Variants in HTR4 observed in about 807,000 individuals in gnomAD.
The protein encoded by HTR4 is 5-hydroxytryptamine (serotonin) receptor 4, G protein-coupled.
HTR4 carries 16 observed loss-of-function variants against 36.8 expected under a neutral mutation model. The observed-to-expected ratio is 0.43, with a 90% CI of 0.29 to 0.66. The LOEUF (loss-of-function observed/expected upper bound fraction) is 0.66. Ranked by LOEUF, HTR4 falls within the 30% of genes least tolerant of loss-of-function variation. HTR4 has a pLI of 0.13. For missense variants in HTR4, 438 were observed against 490.9 expected (o/e 0.89, Z 1.02); for synonymous variants, 189 against 185.1 (o/e 1.02, Z -0.17).
intron 6 of HTR4, among the ~76,000 whole-genome samples, chr5:148,503,086 G>A (rs1462082800): frequency 6.6e-6 from 1 of 152,166 alleles, no homozygotes; most frequent in African/African-American, 2.4e-5. Context: ...TTATCCAGGA[G>A]AACTTCCCCA....
chr5:148,538,212 T>C (rs1758926579), intron 4 of HTR4, among the ~76,000 whole-genome samples: 1 of 152,004 alleles, frequency 6.6e-6, no homozygotes, highest in South Asian at 2.1e-4. Flanking sequence ...CAAAAAAAAC[T>C]AGGTATTGAG....
Position 148,537,896 on chromosome 5 carries a change from C to T in HTR4, c.353+10772G>A, listed in dbSNP as rs375526754. Among the ~76,000 whole-genome samples, 18 of 152,080 alleles carry T rather than the reference C, an allele frequency of 1.2e-4. 1 individual carries two copies. Among genetic ancestry groups the T allele is most frequent in the Admixed American group, 5.9e-4 (9 of 15,264 alleles). On this transcript the variant is annotated intron_variant, in intron 4 of 6. Coordinates refer to ENST00000377888, the MANE Select transcript of HTR4 (RefSeq NM_000870.7). ...CCAACCCATCGTATGAGACCAGCAT[C>T]GTCTTGATACCAACACCTGGCAGAG... is the stretch of plus-strand genomic sequence containing the variant.
rs544066802 is a variant in HTR4 at position 148,532,822 on chromosome 5, C to T, written c.354-9476G>A. On this transcript the variant is annotated intron_variant, in intron 4 of 6. Coordinates refer to ENST00000377888, the MANE Select transcript of HTR4 (RefSeq NM_000870.7). ...AGCAGTGGTTCTCAAATTGTATCAT[C>T]TGTCAGAATCACTTAAAGGATTTGT... Among the ~76,000 whole-genome samples the T allele has an allele frequency of 9.9e-4, 151 of 152,328 alleles. 1 individual carries two copies. Among genetic ancestry groups the T allele is most frequent in the African/African-American group, 3.5e-3 (147 of 41,584 alleles).
intron 5 of HTR4, among the ~76,000 whole-genome samples, chr5:148,515,995 T>A (rs1435723705): frequency 6.7e-6 from 1 of 150,246 alleles, no homozygotes; most frequent in Non-Finnish European, 1.5e-5. Flanking sequence ...CATATATATA[T>A]ATACACATAT....
chr5:148,583,645 CATCATT>C (rs1284832560), intron 2 of HTR4, among the ~76,000 whole-genome samples: 11 of 141,258 alleles, frequency 7.8e-5, no homozygotes, highest in Non-Finnish European at 1.4e-4. Flanking sequence ...TCATCATCAT[CATCATT>C]ATTATCATCA....
chr5:148,635,882 G>A (rs536604402), intron 2 of HTR4, among the ~76,000 whole-genome samples: 2 of 152,108 alleles, frequency 1.3e-5, no homozygotes, highest in South Asian at 2.1e-4. Context: ...AGTACATCTG[G>A]GAAATAACAA....
chr5:148,457,091 G>T (rs1402316599), intron 5 of HTR4, among the ~76,000 whole-genome samples: 2 of 152,094 alleles, frequency 1.3e-5, no homozygotes, highest in Non-Finnish European at 2.9e-5. Context: ...CCCTCTGCCT[G>T]CCTAGCCTGG....
At chr5:148,561,383 C>T (rs1760199406) in intron 2 of HTR4, among the ~76,000 whole-genome samples, 1 of 152,162 alleles carries the variant, frequency 6.6e-6, no homozygotes, top group Non-Finnish European at 1.5e-5. Context: ...GTGAGATCTA[C>T]ATCTGGAGAG....
At chr5:148,631,027 G>A (rs1190537236) in intron 2 of HTR4, among the ~76,000 whole-genome samples, 1 of 152,100 alleles carries the variant, frequency 6.6e-6, no homozygotes, top group Non-Finnish European at 1.5e-5. Flanking sequence ...AAGATTACTA[G>A]CTTAATTCCA....
intron 5 of HTR4, among the ~76,000 whole-genome samples, chr5:148,459,849 T>C (rs971183898): frequency 1.3e-5 from 2 of 152,118 alleles, no homozygotes; most frequent in Non-Finnish European, 2.9e-5. Flanking sequence ...ATTATCAGAC[T>C]GGGAACTTAA....
intron 2 of HTR4, among the ~76,000 whole-genome samples, chr5:148,597,620 C>T (rs969460695): frequency 1.3e-5 from 2 of 152,190 alleles, no homozygotes; most frequent in Non-Finnish European, 2.9e-5. Context: ...CTTTGCACTG[C>T]TCTTTTCACT....
At position 148,592,604 on chromosome 5, in the gene HTR4, T is replaced by C. The variant is rs112379958; in HGVS notation, c.27-42342A>G. 5.2e-3 allele frequency among the ~76,000 whole-genome samples: 790 copies of C among 152,238 alleles called. 7 individuals are homozygous for C. The highest frequency in any genetic ancestry group is 0.017 in the African/African-American group (723 of 41,560). ...GCAGCTTCACCAATATTTTTATATA[T>C]GAATTTACTTTCATTTTTTCTACTT... On this transcript the variant is annotated intron_variant, in intron 2 of 6. Transcript: ENST00000377888.
intron 5 of HTR4, chr5:148,466,074 G>A (rs139827785): frequency 9.1e-6 from 13 of 1,423,576 alleles, no homozygotes; most frequent in Non-Finnish European, 1.2e-5. Context: ...TTTTAGAGGA[G>A]GATAAGGAGG....
chr5:148,555,946 TCACACACA>T (rs60289333), intron 2 of HTR4, among the ~76,000 whole-genome samples: 1 of 149,736 alleles, frequency 6.7e-6, no homozygotes, highest in Non-Finnish European at 1.5e-5. Flanking sequence ...TTATACTTTG[TCACACACA>T]CACACACACA....
chr5:148,553,884 C>A (rs1243188035), intron 2 of HTR4, among the ~76,000 whole-genome samples: 1 of 151,984 alleles, frequency 6.6e-6, no homozygotes, highest in African/African-American at 2.4e-5. Context: ...AGGGGTACAC[C>A]CGAAAGAATT....
At chr5:148,480,282 A>G (rs1755835749), downstream of HTR4, among the ~76,000 whole-genome samples, 1 of 152,186 alleles carries the variant, frequency 6.6e-6, no homozygotes, top group Non-Finnish European at 1.5e-5. Flanking sequence ...GTGATTCATA[A>G]ATTCGTGTGT....
chr5:148,546,270 C>G (rs1354218776), intron 4 of HTR4, among the ~76,000 whole-genome samples: 1 of 152,086 alleles, frequency 6.6e-6, no homozygotes, highest in Non-Finnish European at 1.5e-5. Context: ...CAAAGTGATG[C>G]CTTAAATGGA....
In HTR4 at chr5:148,482,328, C is replaced by T; in HGVS notation, c.*875G>A. 1 of 985,476 alleles carries T rather than the reference C, an allele frequency of 1.0e-6. No individual in the cohort carries two copies. Among genetic ancestry groups the T allele is most frequent in the Non-Finnish European group, 1.2e-6 (1 of 829,998 alleles). 61.0% of individuals were successfully genotyped at this position (985,476 alleles called of 1,614,324 possible). A position where few individuals can be genotyped will look rare whatever the true frequency, so the allele number is the denominator to read the frequency against. On this transcript the variant is annotated 3_prime_UTR_variant, in exon 7 of 7. Coordinates refer to ENST00000377888, the MANE Select transcript of HTR4 (RefSeq NM_000870.7). ...GGGAAAGATCCTGAAGCCTAATAAA[C>T]ACCTACGATGTTGCTAGCCCTGCCC...
chr5:148,586,760 T>TG (rs1217922357), intron 2 of HTR4, among the ~76,000 whole-genome samples: 1 of 152,100 alleles, frequency 6.6e-6, no homozygotes, highest in Admixed American at 6.5e-5. Context: ...AGGGCGAAGT[T>TG]GGGGGTAAAA....
Sources: allele counts gnomAD v4.1 joint callset (sites outside exome capture counted in the v4.1 genomes callset), GRCh38; gene constraint gnomAD v4.1.1; transcripts MANE v1.5; gene names NCBI Gene and HGNC (gene_info 2026-07-23, HGNC 2026-07-21).